The following PPIP5K1 variants were observed in gnomAD, a reference collection of about 807,000 sequenced individuals.
The protein encoded by PPIP5K1 is inositol hexakisphosphate and diphosphoinositol-pentakisphosphate kinase 1.
PPIP5K1 carries 6 observed loss-of-function variants against 27.7 expected under a neutral mutation model. The ratio of observed to expected loss-of-function variants is 0.22; its 90% confidence interval spans 0.12 to 0.43. PPIP5K1 has a LOEUF of 0.43. Among genes scored for constraint, PPIP5K1 ranks in the 20% least tolerant of loss-of-function variants. PPIP5K1 has a pLI of 1.00. For missense variants in PPIP5K1, 394 were observed against 635.4 expected (o/e 0.62, Z 4.08); for synonymous variants, 145 against 242.6 (o/e 0.60, Z 3.74).
At chr15:43,557,254 C>A (rs1191533693) in intron 30 of PPIP5K1, among the ~76,000 whole-genome samples, 1 of 152,126 alleles carries the variant, frequency 6.6e-6, no homozygotes, top group Non-Finnish European at 1.5e-5. Flanking sequence ...CAAGACCAGC[C>A]TGGGCAACAT....
chr15:43,588,452 TCA>T (rs2085454467), intron 1 of PPIP5K1, among the ~76,000 whole-genome samples: 2 of 114,096 alleles, frequency 1.8e-5, no homozygotes, highest in African/African-American at 6.0e-5. Flanking sequence ...ACTGCAGGTC[TCA>T]CACACACACT....
chr15:43,553,612 A>C (rs2082521252), intron 30 of PPIP5K1, among the ~76,000 whole-genome samples: 1 of 149,692 alleles, frequency 6.7e-6, no homozygotes, highest in Non-Finnish European at 1.5e-5. Context: ...TTGTCCTCCC[A>C]AAGTGCTGGG....
rs1423999526 is a variant in PPIP5K1 at position 43,558,994 on chromosome 15, A to G, written c.3419-62T>C. The G allele has an allele frequency of 7.5e-6, 12 of 1,598,688 alleles. No homozygotes were observed. In the East Asian group the frequency reaches 1.8e-4, roughly 24 times the overall value. ...CTGCCAGATATACCCCAACTGGCCA[A>G]GGAAGCATGGAGAGTCCCTGAGAGC... On this transcript the variant is annotated intron_variant, in intron 29 of 31. Coordinates refer to ENST00000420765, the MANE Select transcript of PPIP5K1 (RefSeq NM_001394395.1).
intron 30 of PPIP5K1, among the ~76,000 whole-genome samples, chr15:43,547,379 TA>T (rs1185578945): frequency 6.6e-6 from 1 of 152,260 alleles, no homozygotes; most frequent in African/African-American, 2.4e-5. Context: ...TGGTGAAGTC[TA>T]ATTATTTTTT....
At chr15:43,554,620 T>TACACACAC (rs757647925) in intron 30 of PPIP5K1, among the ~76,000 whole-genome samples, 1,362 of 130,050 alleles carry the variant, frequency 0.01, 25 homozygotes, top group East Asian at 0.024. Context: ...ACACCTGGCA[T>TACACACAC]ACACACACAC....
Position 43,553,117 on chromosome 15 carries a change from T to C in PPIP5K1, c.3556+5678A>G, listed in dbSNP as rs1050969370. On this transcript the variant is annotated intron_variant, in intron 30 of 31. Coordinates refer to ENST00000420765, the MANE Select transcript of PPIP5K1 (RefSeq NM_001394395.1). ...CAGTTTTCTCTTCTGTTATTAATTC[T>C]AGCATCATTCCATTGTGGTTGGAGA... Among the ~76,000 whole-genome samples, 3 of 152,372 alleles carry C rather than the reference T, an allele frequency of 2.0e-5. No homozygotes were observed. In the South Asian group the frequency reaches 6.2e-4, roughly 32 times the overall value.
At chr15:43,586,744 T>TAATAATAAG (rs1567107705) in intron 1 of PPIP5K1, among the ~76,000 whole-genome samples, 1 of 84,090 alleles carries the variant, frequency 1.2e-5, no homozygotes, top group African/African-American at 3.7e-5. Flanking sequence ...ATAATAATAA[T>TAATAATAAG]AATAATAGAA....
intron 30 of PPIP5K1, among the ~76,000 whole-genome samples, chr15:43,552,874 C>T (rs1405099863): frequency 1.3e-5 from 2 of 151,766 alleles, no homozygotes; most frequent in African/African-American, 2.4e-5. Context: ...GAAACCTCGT[C>T]GCTACTAAAA....
chr15:43,547,892 T>C (rs1044563559), intron 30 of PPIP5K1, among the ~76,000 whole-genome samples: 32 of 152,224 alleles, frequency 2.1e-4, no homozygotes, highest in African/African-American at 7.7e-4. Context: ...AGAAAAGACA[T>C]TAAAATTCTG....
chr15:43,546,654 A>ATTTT (rs58966502), intron 30 of PPIP5K1, among the ~76,000 whole-genome samples: 6 of 106,502 alleles, frequency 5.6e-5, no homozygotes, highest in East Asian at 2.2e-4. Context: ...CCTGTTTTCA[A>ATTTT]TTTTTTTTTT....
At chr15:43,536,894 A>G (rs927783526) in intron 31 of PPIP5K1, among the ~76,000 whole-genome samples, 1 of 152,298 alleles carries the variant, frequency 6.6e-6, no homozygotes, top group South Asian at 2.1e-4. Flanking sequence ...TTAAAGCACT[A>G]TGGTATCAAT....
chr15:43,561,041 T>TCACTCTGAGTGTCAAA (rs761177637), intron 28 of PPIP5K1, among the ~76,000 whole-genome samples: 1 of 121,990 alleles, frequency 8.2e-6, no homozygotes. Flanking sequence ...AATGAAAAAG[T>TCACTCTGAGTGTCAAA]GATGGTATTG....
At chr15:43,539,323 G>T in intron 31 of PPIP5K1, 147 bp downstream of exon 31, 1 of 655,212 alleles carries the variant, frequency 1.5e-6, no homozygotes, top group Non-Finnish European at 2.8e-6. Context: ...TTTCATCTTA[G>T]AAATGGCAGA....
intron 30 of PPIP5K1, among the ~76,000 whole-genome samples, chr15:43,542,917 C>T (rs1280787796): frequency 2.6e-5 from 4 of 151,990 alleles, no homozygotes; most frequent in East Asian, 3.9e-4. Context: ...TAGGCTCAAG[C>T]GATACTCCCA....
At chr15:43,543,283 C>G (rs2470132) in intron 30 of PPIP5K1, among the ~76,000 whole-genome samples, 28,681 of 114,490 alleles carry the variant, frequency 0.25, 6,108 homozygotes, top group African/African-American at 0.62. Flanking sequence ...GGGGAGGGGG[C>G]AGGGATAGCA....
At chr15:43,560,037 G>A (rs1183539009) in intron 29 of PPIP5K1, among the ~76,000 whole-genome samples, 21 of 151,778 alleles carry the variant, frequency 1.4e-4, no homozygotes, top group African/African-American at 5.1e-4. Flanking sequence ...CTAGTGGCAG[G>A]AGGGCAGGAA....
intron 29 of PPIP5K1, 87 bp from the exon 30 acceptor site, chr15:43,559,019 C>A: frequency 1.3e-6 from 2 of 1,535,878 alleles, no homozygotes; most frequent in South Asian, 1.2e-5. Context: ...TCCCTGAGAG[C>A]CATCAGGAGA....
At chr15:43,539,717 C>G in intron 30 of PPIP5K1, 134 bp from the exon 31 acceptor site, 1 of 595,394 alleles carries the variant, frequency 1.7e-6, no homozygotes, top group South Asian at 2.2e-5. Flanking sequence ...TTCCTGGGGA[C>G]CCTTCAACCA....
intron 10 of PPIP5K1, among the ~76,000 whole-genome samples, chr15:43,580,501 C>T (rs1344763298): frequency 8.3e-6 from 1 of 119,958 alleles, no homozygotes; most frequent in Non-Finnish European, 1.6e-5. Context: ...AAACTGTTAA[C>T]AACAATGGTC....
Sources: gnomAD v4.1 joint callset for allele counts (sites outside exome capture counted in the v4.1 genomes callset) on GRCh38, gnomAD v4.1.1 for gene constraint, MANE v1.5 for transcripts, NCBI Gene and HGNC (gene_info 2026-07-23, HGNC 2026-07-21) for gene names.